The following CCDC136 variants were observed in gnomAD, a reference collection of about 807,000 sequenced individuals.
CCDC136 encodes coiled-coil domain containing 136.
A neutral mutation model predicts 141.2 loss-of-function variants in CCDC136; 100 were observed. That is an observed-to-expected ratio of 0.71 (90% CI 0.60 to 0.84). The LOEUF (loss-of-function observed/expected upper bound fraction) is 0.84, where lower values mean the gene tolerates loss of function less well. Ranked by LOEUF, CCDC136 falls within the 40% of genes least tolerant of loss-of-function variation. The pLI is 0.00. For synonymous variants in CCDC136, 474 were observed against 531.9 expected (o/e 0.89, Z 1.50); for missense variants, 1,206 against 1,379.4 (o/e 0.87, Z 1.99).
chr7:128,791,694 C>T, upstream of CCDC136: 1 of 520,212 alleles, frequency 1.9e-6, no homozygotes, highest in Non-Finnish European at 3.0e-6. The surrounding 1 kb of genome is among the most constrained non-coding windows in gnomAD (Gnocchi z 7.1). Flanking sequence ...CTGGCCTCCA[C>T]CGGGGCCCGG....
chr7:128,800,237 T>G (rs1803800880), intron 3 of CCDC136, among the ~76,000 whole-genome samples: 1 of 152,220 alleles, frequency 6.6e-6, no homozygotes, highest in South Asian at 2.1e-4. Context: ...TCTGATACTT[T>G]CTTTTAAATG....
intron 1 of CCDC136, among the ~76,000 whole-genome samples, chr7:128,792,789 A>G (rs1303699453): frequency 6.6e-6 from 1 of 152,220 alleles, no homozygotes; most frequent in Non-Finnish European, 1.5e-5. Context: ...TTAAAAAGCA[A>G]GGAACTGGGC....
rs374119300 is a variant in CCDC136, at chr7:128,805,739, C to T, written c.949-22C>T. 6.2e-7 allele frequency: 1 copy of T among 1,609,090 alleles called. No individual in the cohort carries two copies. Among genetic ancestry groups the T allele is most frequent in the African/African-American group, 1.3e-5 (1 of 74,886 alleles). On this transcript the variant is annotated intron_variant, in intron 6 of 17. Coordinates refer to ENST00000297788, the MANE Select transcript of CCDC136 (RefSeq NM_022742.5). This position sits in a 1 kb window ranked among gnomAD's most constrained non-coding sequence, Gnocchi z 4.6. ...TGTGGTATCTGTAGTAAACAAGCCT[C>T]CCTGTTCCATTTCCCACATAGTGTC...
intron 3 of CCDC136, among the ~76,000 whole-genome samples, chr7:128,795,164 A>G (rs1802757631): frequency 6.6e-6 from 1 of 152,180 alleles, no homozygotes; most frequent in Non-Finnish European, 1.5e-5. Context: ...TGGTTCCTCC[A>G]AGGATGGCAT....
chr7:128,811,796 C>G lies in CCDC136; in HGVS notation c.2029-4C>G. The G allele has an allele frequency of 6.4e-7, 1 of 1,565,774 alleles. No individual in the cohort carries two copies. Among genetic ancestry groups the G allele is most frequent in the South Asian group, 1.2e-5 (1 of 82,494 alleles). ...TGATACTGTCTCCCCACCCCTGCCC[C>G]CAGCAATCCAAGCTGCTCATGGAGC... On this transcript the variant is annotated splice_polypyrimidine_tract_variant and splice_region_variant and intron_variant, in intron 12 of 17. Coordinates refer to ENST00000297788, the MANE Select transcript of CCDC136 (RefSeq NM_022742.5).
chr7:128,814,631 C>G lies in CCDC136; in HGVS notation c.2764-7C>G. On this transcript the variant is annotated splice_region_variant and splice_polypyrimidine_tract_variant and intron_variant, in intron 14 of 17. Coordinates refer to ENST00000297788, the MANE Select transcript of CCDC136 (RefSeq NM_022742.5). ...ACTCTGGGTAACTGGCCCTCCACTA[C>G]CAACAGATCAAAGAACTGCAGACCA... 1 of 1,550,870 alleles carries G rather than the reference C, an allele frequency of 6.4e-7. No individual in the cohort carries two copies. The highest frequency in any genetic ancestry group is 2.1e-4 in the Middle Eastern group (1 of 4,682).
intron 1 of CCDC136, among the ~76,000 whole-genome samples, chr7:128,793,034 G>T (rs1035109082): frequency 6.6e-6 from 1 of 152,240 alleles, no homozygotes. Flanking sequence ...AGTGTTGCAC[G>T]TTGCACATTC....
Position 128,817,937 on chromosome 7 carries a change from C to T in CCDC136, c.*5+73C>T. ...GGTTGCCCTGGCCTCTCCTCTTTCC[C>T]TTTTCTCCCAGCTGCTTGCTTCTTG... On this transcript the variant is annotated intron_variant, in intron 17 of 17. Coordinates refer to ENST00000297788, the MANE Select transcript of CCDC136 (RefSeq NM_022742.5). The surrounding 1 kb of genome is among the most constrained non-coding windows in gnomAD (Gnocchi z 4.6). The T allele has an allele frequency of 9.1e-7, 1 of 1,093,588 alleles. No homozygotes were observed. The highest frequency in any genetic ancestry group is 1.4e-6 in the Non-Finnish European group (1 of 723,874). The allele number at this position is 1,093,588 out of a possible 1,614,324, so 67.7% of individuals were successfully genotyped here.
chr7:128,805,097 T>A lies in CCDC136; in HGVS notation c.783-262T>A, dbSNP rs1208145794. ...TAATGGCAGGCACAATGCTTCCAGA[T>A]TGGAGTGGGCTTGACTAGGCCTAGC... On this transcript the variant is annotated intron_variant, in intron 5 of 17. Transcript: ENST00000297788. This position sits in a 1 kb window ranked among gnomAD's most constrained non-coding sequence, Gnocchi z 4.6. Among the ~76,000 whole-genome samples, 1 of 152,196 alleles carries A rather than the reference T, an allele frequency of 6.6e-6. No individual in the cohort carries two copies. The highest frequency in any genetic ancestry group is 2.4e-5 in the African/African-American group (1 of 41,436).
chr7:128,800,120 G>A (rs1179954013), intron 3 of CCDC136, among the ~76,000 whole-genome samples: 2 of 151,970 alleles, frequency 1.3e-5, no homozygotes, highest in African/African-American at 4.8e-5. Context: ...CCATTTGTGT[G>A]TTATATACTA....
At chr7:128,801,597 T>C in intron 4 of CCDC136, 88 bp downstream of exon 4, 2 of 972,176 alleles carry the variant, frequency 2.1e-6, no homozygotes, top group Admixed American at 2.9e-5. Context: ...TGTTAGATCA[T>C]GAATTGGGAA....
Position 128,806,668 on chromosome 7 carries a change from C to G in CCDC136, c.1249-20C>G. 5 of 1,603,036 alleles carry G rather than the reference C, an allele frequency of 3.1e-6. No homozygotes were observed. The highest frequency in any genetic ancestry group is 4.3e-6 in the Non-Finnish European group (5 of 1,175,436). On this transcript the variant is annotated intron_variant, in intron 8 of 17. Coordinates refer to ENST00000297788, the MANE Select transcript of CCDC136 (RefSeq NM_022742.5). ...GGTTAAGGAGCCCAAAGGCACTGCC[C>G]AAAGCCCCCTCTACCATAGGAGTTA...
intron 12 of CCDC136, chr7:128,811,409 A>G: frequency 2.2e-6 from 1 of 460,008 alleles, no homozygotes; most frequent in Non-Finnish European, 4.3e-6. Context: ...GGCTGATTTT[A>G]GAACTAGGGG....
At chr7:128,814,142 G>A (rs936917165) in intron 14 of CCDC136, among the ~76,000 whole-genome samples, 3 of 151,380 alleles carry the variant, frequency 2.0e-5, no homozygotes, top group African/African-American at 4.9e-5. Context: ...CTGGAGTGCA[G>A]TGGCACGATC....
At chr7:128,796,465 C>G (rs1265266114) in intron 3 of CCDC136, among the ~76,000 whole-genome samples, 1 of 152,024 alleles carries the variant, frequency 6.6e-6, no homozygotes, top group African/African-American at 2.4e-5. Context: ...GGCCAGATTA[C>G]AGTGGATCTT....
In CCDC136 at chr7:128,805,983, G is replaced by GA. The variant is rs1804781342; in HGVS notation, c.1089+83dup. On this transcript the variant is annotated intron_variant, in intron 7 of 17. Coordinates refer to ENST00000297788, the MANE Select transcript of CCDC136 (RefSeq NM_022742.5). This position sits in a 1 kb window ranked among gnomAD's most constrained non-coding sequence, Gnocchi z 4.6. ...CTGCTTCAACCGGGGTGGGCACAGT[G>GA]AGTATGGCTGTGCTCTGCTGACTCT... 1.8e-5 allele frequency: 27 copies of GA among 1,492,210 alleles called. 2 individuals carry two copies. The South Asian group carries it at 3.2e-4, about 18-fold the overall frequency. The allele number at this position is 1,492,210 out of a possible 1,614,324, so 92.4% of individuals were successfully genotyped here. A position where few individuals can be genotyped will look rare whatever the true frequency, so the allele number is the denominator to read the frequency against.
At chr7:128,813,542 C>T (rs182798088) in intron 14 of CCDC136, among the ~76,000 whole-genome samples, 87 of 152,266 alleles carry the variant, frequency 5.7e-4, no homozygotes, top group African/African-American at 2.0e-3. Flanking sequence ...AGACAAAACC[C>T]GAGATCAGGG....
chr7:128,805,868 G>A lies in CCDC136; in HGVS notation c.1056G>A (p.Val352=). ...AGCTCAAGTGTGCTCAGAATGAGGT[G>A]CTTCGGTTTCAGACCTCCCACAGTG... The part of the protein sequence containing the change: ...QRELKCAQNE[V]LRFQTSHSVT... The change falls in exon 7 of 18, where the codon GTG becomes GTA. Residue 352 remains valine (V), a synonymous_variant. Transcript: ENST00000297788. The surrounding 1 kb of genome is among the most constrained non-coding windows in gnomAD (Gnocchi z 4.6). The A allele has an allele frequency of 1.2e-6, 2 of 1,613,974 alleles. No individual in the cohort carries two copies. Among genetic ancestry groups the A allele is most frequent in the Admixed American group, 1.7e-5 (1 of 60,014 alleles).
Position 128,792,247 on chromosome 7 carries a change from C to T in CCDC136, c.-165C>T. On this transcript the variant is annotated 5_prime_UTR_variant, in exon 1 of 18. Coordinates refer to ENST00000297788, the MANE Select transcript of CCDC136 (RefSeq NM_022742.5). ...GCCTCGAGGAGCTGGAAGACATGTC[C>T]CCTTCTTTCCTCTGCACCCCAGCCC... 2.0e-6 allele frequency: 3 copies of T among 1,529,800 alleles called. No individual in the cohort carries two copies. Among genetic ancestry groups the T allele is most frequent in the Non-Finnish European group, 1.8e-6 (2 of 1,139,248 alleles). The allele number at this position is 1,529,800 out of a possible 1,614,324, so 94.8% of individuals were successfully genotyped here. A position where few individuals can be genotyped will look rare whatever the true frequency, so the allele number is the denominator to read the frequency against.
Sources: gnomAD v4.1 joint callset for allele counts (sites outside exome capture counted in the v4.1 genomes callset) on GRCh38, gnomAD v4.1.1 for gene constraint, Gnocchi (gnomAD v3.1) non-coding constraint, MANE v1.5 for transcripts, NCBI Gene and HGNC (gene_info 2026-07-23, HGNC 2026-07-21) for gene names.